The following PDE11A variants were observed in gnomAD, a reference collection of about 807,000 sequenced individuals.
The protein encoded by PDE11A is phosphodiesterase 11A.
Under a neutral mutation model 100.5 loss-of-function variants are expected in PDE11A, and 100 were observed. That is an observed-to-expected ratio of 1.00 (90% CI 0.85 to 1.18). PDE11A has a LOEUF of 1.18. Ranked by LOEUF, PDE11A falls within the 50% of genes most tolerant of loss-of-function variation. The pLI is 0.00. For missense variants in PDE11A, 1,141 were observed against 1,152.6 expected (o/e 0.99, Z 0.15); for synonymous variants, 381 against 420.8 (o/e 0.91, Z 1.16).
At chr2:177,989,423 G>A (rs1233561384) in intron 2 of PDE11A, among the ~76,000 whole-genome samples, 5 of 152,062 alleles carry the variant, frequency 3.3e-5, no homozygotes, top group African/African-American at 4.8e-5. Context: ...GGAAATAAAC[G>A]CTCATTTCCT....
chr2:177,953,579 A>T (rs980336203), intron 2 of PDE11A, among the ~76,000 whole-genome samples: 2 of 152,272 alleles, frequency 1.3e-5, no homozygotes, highest in Non-Finnish European at 2.9e-5. Flanking sequence ...ATCAGTTCCA[A>T]TTTTTTTCAT....
chr2:178,082,453 A>AT (rs1377126471), intron 2 of PDE11A, among the ~76,000 whole-genome samples: 2 of 152,188 alleles, frequency 1.3e-5, no homozygotes, highest in African/African-American at 4.8e-5. Context: ...TTCAACCCTC[A>AT]TAAGTGTTGC....
chr2:177,740,324 T>A (rs1362960737), intron 10 of PDE11A, among the ~76,000 whole-genome samples: 1 of 152,254 alleles, frequency 6.6e-6, no homozygotes, highest in African/African-American at 2.4e-5. Context: ...AATTAAGAAC[T>A]CAACCATGTT....
chr2:178,029,205 AAG>A (rs1237949623), intron 1 of PDE11A, among the ~76,000 whole-genome samples: 2 of 152,312 alleles, frequency 1.3e-5, no homozygotes, highest in African/African-American at 4.8e-5. Flanking sequence ...TTGACATGAA[AAG>A]TTTATGAAAA....
intron 2 of PDE11A, among the ~76,000 whole-genome samples, chr2:177,907,617 C>T (rs913073683): frequency 3.3e-5 from 5 of 152,152 alleles, no homozygotes; most frequent in African/African-American, 7.2e-5. Context: ...TTTCTGTACA[C>T]GTGGCAGAGA....
intron 9 of PDE11A, among the ~76,000 whole-genome samples, chr2:177,806,762 A>G (rs918232133): frequency 6.6e-6 from 1 of 152,090 alleles, no homozygotes; most frequent in Non-Finnish European, 1.5e-5. Context: ...ATTATGTGTT[A>G]AAAATTTATA....
intron 2 of PDE11A, among the ~76,000 whole-genome samples, chr2:178,010,167 T>C (rs538720951): frequency 6.6e-6 from 1 of 152,364 alleles, no homozygotes; most frequent in South Asian, 2.1e-4. Flanking sequence ...AGCCACTTGC[T>C]GAAGGTCACT....
intron 2 of PDE11A, among the ~76,000 whole-genome samples, chr2:177,943,585 G>C (rs1302261015): frequency 6.6e-6 from 1 of 152,090 alleles, no homozygotes; most frequent in East Asian, 1.9e-4. Context: ...GTTAGTTTTT[G>C]TTATTGTTGG....
chr2:177,631,149 G>A (rs981898122), intron 19 of PDE11A, among the ~76,000 whole-genome samples: 6 of 151,490 alleles, frequency 4.0e-5, no homozygotes, highest in African/African-American at 1.5e-4. Context: ...GTTTCTAACT[G>A]GTGAAATGAT....
In PDE11A at chr2:177,819,868, T is replaced by TTCTCTCTCTCTCTC. The variant is rs34374310; in HGVS notation, c.1576+338_1576+351dup. Among the ~76,000 whole-genome samples the TTCTCTCTCTCTCTC allele has an allele frequency of 3.1e-4, 43 of 139,166 alleles. 1 individual carries two copies. The highest frequency in any genetic ancestry group is 9.8e-4 in the African/African-American group (35 of 35,780). The allele number at this position is 139,166 out of a possible 152,430, so 91.3% of individuals were successfully genotyped here. A position where few individuals can be genotyped will look rare whatever the true frequency, so the allele number is the denominator to read the frequency against. The stretch of plus-strand genomic sequence containing the variant: ...CATTTCTCTTTCTCTCTTTCTCTCT[T>TTCTCTCTCTCTCTC]TCTCTCTCTCTCTCTCTCTCTCTCT... On this transcript the variant is annotated intron_variant, in intron 7 of 19. Coordinates refer to ENST00000286063, the MANE Select transcript of PDE11A (RefSeq NM_016953.4).
chr2:177,981,116 T>C (rs1029977337), intron 2 of PDE11A, among the ~76,000 whole-genome samples: 1 of 150,610 alleles, frequency 6.6e-6, no homozygotes, highest in Non-Finnish European at 1.5e-5. Flanking sequence ...TCCAGTAAGC[T>C]AGTTATCTTG....
At chr2:177,775,510 A>G (rs13396537) in intron 9 of PDE11A, among the ~76,000 whole-genome samples, 49,982 of 152,026 alleles carry the variant, frequency 0.33, 8,576 homozygotes, top group African/African-American at 0.38. Context: ...ATTGGTCACA[A>G]ATCTCAGGTT....
chr2:178,006,176 A>C (rs2086208228), intron 2 of PDE11A, among the ~76,000 whole-genome samples: 1 of 152,232 alleles, frequency 6.6e-6, no homozygotes, highest in Admixed American at 6.5e-5. Context: ...TTTTCTCAAT[A>C]AATGTTACTC....
intron 2 of PDE11A, among the ~76,000 whole-genome samples, chr2:177,911,475 G>A (rs1042760941): frequency 2.6e-5 from 4 of 152,102 alleles, no homozygotes; most frequent in African/African-American, 9.7e-5. Context: ...ACTTTTGTTA[G>A]TTCATACCAA....
chr2:177,869,801 C>T (rs1165522043), intron 5 of PDE11A, among the ~76,000 whole-genome samples: 1 of 152,148 alleles, frequency 6.6e-6, no homozygotes, highest in Admixed American at 6.6e-5. Context: ...AAATGCTGTA[C>T]ATTTTGTCAT....
intron 3 of PDE11A, chr2:177,899,504 C>T (rs965028188): frequency 1.7e-5 from 5 of 299,566 alleles, no homozygotes; most frequent in Non-Finnish European, 3.4e-5. Flanking sequence ...CAGAAACTTA[C>T]AAAGCAGCTT....
At chr2:177,760,081 C>T (rs1386754910) in intron 10 of PDE11A, among the ~76,000 whole-genome samples, 1 of 152,184 alleles carries the variant, frequency 6.6e-6, no homozygotes, top group Non-Finnish European at 1.5e-5. Context: ...CAGGAACAGA[C>T]AAAACATTGC....
intron 2 of PDE11A, among the ~76,000 whole-genome samples, chr2:177,939,020 G>A (rs1225698268): frequency 1.1e-4 from 16 of 152,176 alleles, no homozygotes; most frequent in Admixed American, 1.0e-3. Flanking sequence ...CACCTTGATG[G>A]TGGACATCTA....
chr2:178,106,758 G>A (rs776330424), intron 1 of PDE11A, among the ~76,000 whole-genome samples: 2 of 151,856 alleles, frequency 1.3e-5, no homozygotes, highest in Non-Finnish European at 2.9e-5. Flanking sequence ...TCAGGAGTTC[G>A]AGACCAGCCT....
Sources: gnomAD v4.1 joint callset for allele counts (sites outside exome capture counted in the v4.1 genomes callset) on GRCh38, gnomAD v4.1.1 for gene constraint, MANE v1.5 for transcripts, NCBI Gene and HGNC (gene_info 2026-07-23, HGNC 2026-07-21) for gene names.